FOXN3: variants seen among roughly 807,000 people sequenced by gnomAD.
FOXN3 encodes the protein forkhead box N3, also known as forkhead box protein N3.
In FOXN3, 7 loss-of-function variants were observed where a neutral mutation model predicts 38.4. That is an observed-to-expected ratio of 0.18 (90% CI 0.10 to 0.34). FOXN3 has a LOEUF of 0.34. Ranked by LOEUF, FOXN3 falls within the 10% of genes least tolerant of loss-of-function variation. The pLI, the probability that FOXN3 is intolerant of heterozygous loss-of-function variation, is 1.00. For missense variants in FOXN3, 456 were observed against 613.4 expected (o/e 0.74, Z 2.71); for synonymous variants, 230 against 242.2 (o/e 0.95, Z 0.47).
At chr14:89,240,121 C>T (rs1256688584) in intron 4 of FOXN3, among the ~76,000 whole-genome samples, 1 of 152,150 alleles carries the variant, frequency 6.6e-6, no homozygotes. Flanking sequence ...ACCTCAAAAA[C>T]ATGGAGAAGG....
At chr14:89,610,271 T>G (rs1896361582) in intron 1 of FOXN3, among the ~76,000 whole-genome samples, 1 of 152,218 alleles carries the variant, frequency 6.6e-6, no homozygotes, top group Non-Finnish European at 1.5e-5. Flanking sequence ...AAGAAGTCCC[T>G]GAGAACCTTC....
chr14:89,312,284 C>CAAAAAAAAAAAAAAAAAAAA lies in FOXN3; in HGVS notation c.681-31271_681-31270insTTTTTTTTTTTTTTTTTTTT, dbSNP rs59949946. ...TGGGTGACAGAGCAAGACTCGGTCT[C>CAAAAAAAAAAAAAAAAAAAA]AAAAAAAAAAAAAAAAAGAAGCCAA... On this transcript the variant is annotated intron_variant, in intron 3 of 5. Transcript: ENST00000557258. Among the ~76,000 whole-genome samples, 81 of 60,550 alleles carry CAAAAAAAAAAAAAAAAAAAA rather than the reference C, an allele frequency of 1.3e-3. 5 individuals carry two copies. Among genetic ancestry groups the CAAAAAAAAAAAAAAAAAAAA allele is most frequent in the African/African-American group, 4.8e-3 (58 of 12,058 alleles). 39.7% of individuals were successfully genotyped at this position (60,550 alleles called of 152,430 possible). A position where few individuals can be genotyped will look rare whatever the true frequency, so the allele number is the denominator to read the frequency against.
At chr14:89,618,424 ATCT>A (rs907574152) in intron 1 of FOXN3, among the ~76,000 whole-genome samples, 13 of 152,340 alleles carry the variant, frequency 8.5e-5, no homozygotes, top group East Asian at 5.8e-4. Flanking sequence ...AAAAAGAGAA[ATCT>A]TCTTATTACC....
chr14:89,202,223 A>G (rs28377479), intron 4 of FOXN3, among the ~76,000 whole-genome samples: 2,960 of 152,304 alleles, frequency 0.019, 102 homozygotes, highest in African/African-American at 0.067. Flanking sequence ...GTCTTATACT[A>G]ACTCAAAATA....
intron 3 of FOXN3, among the ~76,000 whole-genome samples, chr14:89,322,850 T>C (rs1318430157): frequency 3.9e-5 from 6 of 152,162 alleles, no homozygotes; most frequent in Admixed American, 3.3e-4. Flanking sequence ...CGTGCTACTA[T>C]GGGCTGGGGA....
At chr14:89,428,017 G>A (rs971341432) in intron 1 of FOXN3, among the ~76,000 whole-genome samples, 4 of 151,730 alleles carry the variant, frequency 2.6e-5, no homozygotes, top group African/African-American at 7.3e-5. Context: ...CATGGGTTTC[G>A]GTGGCTAAGT....
chr14:89,487,065 C>T (rs557115997), intron 1 of FOXN3, among the ~76,000 whole-genome samples: 26 of 152,324 alleles, frequency 1.7e-4, no homozygotes, highest in South Asian at 4.1e-4. Flanking sequence ...TTCCACCCCA[C>T]GGACCAGCCT....
intron 1 of FOXN3, among the ~76,000 whole-genome samples, chr14:89,613,138 A>AC (rs1453590706): frequency 1.4e-5 from 2 of 144,148 alleles, no homozygotes; most frequent in Non-Finnish European, 3.1e-5. Context: ...AAAAAAAAAA[A>AC]AAACTCTTAC....
chr14:89,597,626 G>A (rs185163108), intron 1 of FOXN3, among the ~76,000 whole-genome samples: 2 of 152,258 alleles, frequency 1.3e-5, no homozygotes, highest in East Asian at 3.9e-4. Context: ...GTGAGAGAGA[G>A]AGACAGAGAG....
chr14:89,298,692 T>C (rs1887123143), intron 3 of FOXN3, among the ~76,000 whole-genome samples: 1 of 152,162 alleles, frequency 6.6e-6, no homozygotes, highest in South Asian at 2.1e-4. Context: ...CACTCATCCA[T>C]TCACTGAATA....
intron 3 of FOXN3, among the ~76,000 whole-genome samples, chr14:89,314,533 A>G (rs141264841): frequency 1.7e-3 from 252 of 152,334 alleles, no homozygotes; most frequent in Non-Finnish European, 3.0e-3. Context: ...ATTCCAGAAA[A>G]ACTGTCAACT....
At chr14:89,364,432 A>C (rs2140047953) in intron 2 of FOXN3, 1 of 151,918 alleles carries the variant, frequency 6.6e-6, no homozygotes, top group East Asian at 1.9e-4. Flanking sequence ...TTTCTTTCTC[A>C]AGATCCTGGC....
chr14:89,558,642 G>C (rs149795308), intron 1 of FOXN3, among the ~76,000 whole-genome samples: 1 of 152,324 alleles, frequency 6.6e-6, no homozygotes, highest in Non-Finnish European at 1.5e-5. Flanking sequence ...CAAACTCCTT[G>C]AACAATGCCT....
At chr14:89,602,850 C>T (rs1171542725) in intron 1 of FOXN3, among the ~76,000 whole-genome samples, 1 of 152,156 alleles carries the variant, frequency 6.6e-6, no homozygotes, top group Non-Finnish European at 1.5e-5. Flanking sequence ...ATGTATTATA[C>T]AGTTGGTGAC....
intron 2 of FOXN3, chr14:89,354,939 T>C (rs981724809): frequency 2.6e-5 from 4 of 152,074 alleles, no homozygotes; most frequent in African/African-American, 9.7e-5. Context: ...AAGCGAAGAA[T>C]ATTCATTTAT....
intron 3 of FOXN3, among the ~76,000 whole-genome samples, chr14:89,339,605 T>A (rs1888559104): frequency 6.6e-6 from 1 of 152,214 alleles, no homozygotes; most frequent in African/African-American, 2.4e-5. Flanking sequence ...AGGACAGAGT[T>A]TCTGACTCCT....
Position 89,529,941 on chromosome 14 carries a change from ATT to A in FOXN3, c.-15+89085_-15+89086del, listed in dbSNP as rs57214820. 1.8e-3 allele frequency among the ~76,000 whole-genome samples: 252 copies of A among 143,438 alleles called. 1 individual carries two copies. Among genetic ancestry groups the A allele is most frequent in the African/African-American group, 2.6e-3 (101 of 38,948 alleles). The allele number at this position is 143,438 out of a possible 152,430, so 94.1% of individuals were successfully genotyped here. A position where few individuals can be genotyped will look rare whatever the true frequency, so the allele number is the denominator to read the frequency against. On this transcript the variant is annotated intron_variant, in intron 1 of 6. Coordinates refer to the FOXN3 transcript ENST00000345097. The stretch of plus-strand genomic sequence containing the variant: ...ATAAAGACATATCTGAGACTGTGTA[ATT>A]TTTTTTTTTTTTTTTGATACAGGGT...
At chr14:89,188,624 CTTCAGCAACCAGCTGGAAG>C (rs1356254754) in intron 4 of FOXN3, among the ~76,000 whole-genome samples, 2 of 152,220 alleles carry the variant, frequency 1.3e-5, no homozygotes, top group Non-Finnish European at 2.9e-5. Flanking sequence ...TCCCTCTGAA[CTTCAGCAACCAGCTGGAAG>C]TATTTTTGTG....
At chr14:89,498,411 G>A (rs1394036892) in intron 1 of FOXN3, among the ~76,000 whole-genome samples, 1 of 151,754 alleles carries the variant, frequency 6.6e-6, no homozygotes, top group Admixed American at 6.6e-5. Flanking sequence ...TTTTAGTAGA[G>A]ATGGGGTTTC....
Sources: gnomAD v4.1 joint callset for allele counts (sites outside exome capture counted in the v4.1 genomes callset) on GRCh38, gnomAD v4.1.1 for gene constraint, MANE v1.5 for transcripts, NCBI Gene and HGNC (gene_info 2026-07-23, HGNC 2026-07-21) for gene names.